The following SEPTIN6 variants were observed in gnomAD, a reference collection of about 807,000 sequenced individuals.
The protein encoded by SEPTIN6 is septin-6.
A neutral mutation model predicts 33.6 loss-of-function variants in SEPTIN6; 8 were observed. The observed-to-expected ratio is 0.24, with a 90% CI of 0.14 to 0.43. The LOEUF is 0.43. Ranked by LOEUF, SEPTIN6 falls within the 20% of genes least tolerant of loss-of-function variation. The probability of loss-of-function intolerance (pLI) is 1.00; values close to 1 mark genes in which losing one functional copy is unlikely to be tolerated. For missense variants in SEPTIN6, 250 were observed against 340.8 expected, an observed-to-expected ratio of 0.73 and a Z score of 2.10; for synonymous variants, 131 against 140.0, an observed-to-expected ratio of 0.94 and a Z score of 0.45.
intron 1 of SEPTIN6, among the ~76,000 whole-genome samples, chrX:119,689,890 C>T (rs1331116993): frequency 9.1e-6 from 1 of 109,616 alleles, no homozygotes; most frequent in African/African-American, 3.3e-5. Flanking sequence ...ACCACCACGC[C>T]TGGCTAATTT....
intron 3 of SEPTIN6, among the ~76,000 whole-genome samples, chrX:119,661,348 G>A (rs1206650980): frequency 6.5e-5 from 7 of 107,685 alleles, no homozygotes; most frequent in African/African-American, 2.0e-4. Flanking sequence ...GGAGAATGGC[G>A]TGAACCCAGG....
chrX:119,626,740 G>A (rs1282030858), intron 9 of SEPTIN6, among the ~76,000 whole-genome samples: 1 of 110,229 alleles, frequency 9.1e-6, no homozygotes, highest in Non-Finnish European at 1.9e-5. Flanking sequence ...CCAGGCTGAA[G>A]TGCAGTGGCA....
At chrX:119,641,041 G>A (rs1359707492) in intron 5 of SEPTIN6, among the ~76,000 whole-genome samples, 1 of 112,515 alleles carries the variant, frequency 8.9e-6, no homozygotes, top group Non-Finnish European at 1.9e-5. Context: ...AACAAAGAGA[G>A]AAAATAAGCA....
At chrX:119,628,818 CT>C (rs1387817870) in intron 9 of SEPTIN6, 5 of 92,435 alleles carry the variant, frequency 5.4e-5, no homozygotes, top group South Asian at 4.9e-4. Context: ...TTTTTTTTTT[CT>C]TTTTTTTTTA....
intron 3 of SEPTIN6, among the ~76,000 whole-genome samples, chrX:119,655,175 C>T (rs980275975): frequency 9.0e-6 from 1 of 110,703 alleles, no homozygotes. Context: ...CTCTGGCTCT[C>T]GGAAGCTCTC....
intron 8 of SEPTIN6, among the ~76,000 whole-genome samples, chrX:119,629,998 T>C (rs1383165741): frequency 9.0e-6 from 1 of 110,931 alleles, no homozygotes; most frequent in Non-Finnish European, 1.9e-5. Flanking sequence ...CATGTGCCTG[T>C]AGTCCCAGCT....
At position 119,619,660 on chromosome X, in the gene SEPTIN6, C is replaced by T. The variant is rs1233803646; in HGVS notation, c.*433G>A. 11 of 884,854 alleles carry T rather than the reference C, an allele frequency of 1.2e-5. No individual in the cohort carries two copies. The highest frequency in any genetic ancestry group is 4.2e-5 in the African/African-American group (2 of 48,032). The allele number at this position is 884,854 out of a possible 1,213,427, so 72.9% of individuals were successfully genotyped here. A position where few individuals can be genotyped will look rare whatever the true frequency, so the allele number is the denominator to read the frequency against. On this transcript the variant is annotated 3_prime_UTR_variant, in exon 11 of 11. Transcript: ENST00000394610. ...AGACCAAGGGGACAGCTGTGCTGAT[C>T]GGTGGTTACCCAGCCATGGTGGTTG...
In SEPTIN6 at chrX:119,619,479, G is replaced by A; in HGVS notation, c.*614C>T. On this transcript the variant is annotated 3_prime_UTR_variant, in exon 11 of 11. Coordinates refer to ENST00000394610, the MANE Select transcript of SEPTIN6 (RefSeq NM_145799.4). ...CGATTTTGAGCACAGCTTGAGTGCA[G>A]TTACTTCGAGTGAATGAAAACTGGA... The A allele has an allele frequency of 1.2e-6, 1 of 814,840 alleles. No homozygotes were observed. Among genetic ancestry groups the A allele is most frequent in the Non-Finnish European group, 1.5e-6 (1 of 676,716 alleles). The allele number at this position is 814,840 out of a possible 1,213,427, so 67.2% of individuals were successfully genotyped here.
At chrX:119,674,466 C>G (rs754240448) in intron 2 of SEPTIN6, among the ~76,000 whole-genome samples, 110 of 112,372 alleles carry the variant, frequency 9.8e-4, no homozygotes, top group Non-Finnish European at 1.5e-3. Context: ...CGTGAGCCAC[C>G]GTGCCCGGCC....
rs747858450 is a variant in SEPTIN6 at position 119,637,257 on chromosome X, T to G, written c.788-62A>C. The stretch of plus-strand genomic sequence containing the variant: ...AAAGGAAGGCCAGCAGAAGCAGAAA[T>G]GGATGAAACGAGAGGCAAAATGTCT... On this transcript the variant is annotated intron_variant, in intron 6 of 10. Coordinates refer to ENST00000394610, the MANE Select transcript of SEPTIN6 (RefSeq NM_145799.4). 14 of 1,074,573 alleles carry G rather than the reference T, an allele frequency of 1.3e-5. No homozygotes were observed. In the East Asian group the frequency reaches 4.3e-4, roughly 33 times the overall value. The allele number at this position is 1,074,573 out of a possible 1,213,427, so 88.6% of individuals were successfully genotyped here. A position where few individuals can be genotyped will look rare whatever the true frequency, so the allele number is the denominator to read the frequency against.
Position 119,625,368 on chromosome X carries a change from C to A in SEPTIN6, c.*8G>T, listed in dbSNP as rs1259597818. ...TGGGTCTCATGCAGCATGCAGCAAACAGCAGAGTTAACTGTAAAACAGTAA... is the reference window on the plus strand; with the variant it reads ...TGGGTCTCATGCAGCATGCAGCAAAAAGCAGAGTTAACTGTAAAACAGTAA... On this transcript the variant is annotated 3_prime_UTR_variant, in exon 10 of 11. Transcript: ENST00000394610. 8.3e-7 allele frequency: 1 copy of A among 1,207,809 alleles called. No homozygotes were observed. Among genetic ancestry groups the A allele is most frequent in the African/African-American group, 1.7e-5 (1 of 57,646 alleles).
At chrX:119,655,320 A>T (rs1286536144) in intron 3 of SEPTIN6, among the ~76,000 whole-genome samples, 1 of 110,339 alleles carries the variant, frequency 9.1e-6, no homozygotes, top group Non-Finnish European at 1.9e-5. Context: ...TGTCTGGAAC[A>T]TAGTAAAGTT....
At chrX:119,626,631 G>A (rs1016509693) in intron 9 of SEPTIN6, among the ~76,000 whole-genome samples, 2 of 111,129 alleles carry the variant, frequency 1.8e-5, no homozygotes. Flanking sequence ...ATTCATCAGT[G>A]AATTTGACAT....
At chrX:119,647,815 G>A (rs1294744369) in intron 5 of SEPTIN6, among the ~76,000 whole-genome samples, 1 of 107,684 alleles carries the variant, frequency 9.3e-6, no homozygotes, top group Non-Finnish European at 1.9e-5. Context: ...CACCATGCCT[G>A]GCTAATTTTG....
At chrX:119,663,738 T>A in intron 2 of SEPTIN6, 61 bp from the exon 3 acceptor site, 1 of 903,301 alleles carries the variant, frequency 1.1e-6, no homozygotes, top group Non-Finnish European at 1.5e-6. Flanking sequence ...CCCTTACACA[T>A]CATGTTTCAT....
At chrX:119,671,806 T>C (rs773089323) in intron 2 of SEPTIN6, among the ~76,000 whole-genome samples, 3 of 111,841 alleles carry the variant, frequency 2.7e-5, no homozygotes, top group Non-Finnish European at 5.6e-5. Context: ...AAATATATTC[T>C]ATGCCCAAAC....
intron 2 of SEPTIN6, among the ~76,000 whole-genome samples, chrX:119,668,322 GAGAGAGAGAGAC>G (rs964125608): frequency 1.1e-4 from 9 of 82,347 alleles, no homozygotes; most frequent in Non-Finnish European, 2.0e-4. Context: ...CAGAGAGAGA[GAGAGAGAGAGAC>G]AGAGAGAGAG....
At chrX:119,648,012 G>A (rs1328060712) in intron 5 of SEPTIN6, among the ~76,000 whole-genome samples, 1 of 105,394 alleles carries the variant, frequency 9.5e-6, no homozygotes, top group South Asian at 3.9e-4. Context: ...GTTCAGCCTC[G>A]AATTTTGTTT....
In SEPTIN6 at chrX:119,617,171, T is replaced by C; in HGVS notation, c.*2922A>G. 1.2e-6 allele frequency: 1 copy of C among 819,163 alleles called. No individual in the cohort carries two copies. Among genetic ancestry groups the C allele is most frequent in the Non-Finnish European group, 1.5e-6 (1 of 679,879 alleles). 67.5% of individuals were successfully genotyped at this position (819,163 alleles called of 1,213,427 possible). A position where few individuals can be genotyped will look rare whatever the true frequency, so the allele number is the denominator to read the frequency against. ...GTGTTTCAGAAAAGCCACTCCAGTC[T>C]GGGAAAATAAAAGCACAGACCATTT... On this transcript the variant is annotated 3_prime_UTR_variant, in exon 11 of 11. Coordinates refer to ENST00000394610, the MANE Select transcript of SEPTIN6 (RefSeq NM_145799.4).
Sources: gnomAD v4.1 joint callset for allele counts (sites outside exome capture counted in the v4.1 genomes callset) on GRCh38, gnomAD v4.1.1 for gene constraint, MANE v1.5 for transcripts, NCBI Gene and HGNC (gene_info 2026-07-23, HGNC 2026-07-21) for gene names.